Variants in DACT3 observed in about 807,000 individuals in gnomAD.
DACT3 encodes dishevelled binding antagonist of beta catenin 3, also known as dapper homolog 3.
A neutral mutation model predicts 19.6 loss-of-function variants in DACT3; 5 were observed. The ratio of observed to expected loss-of-function variants is 0.26; its 90% CI spans 0.13 to 0.54. The LOEUF (loss-of-function observed/expected upper bound fraction) is 0.54. Among genes scored for constraint, DACT3 ranks in the 20% least tolerant of loss-of-function variants. The pLI is 0.95. For synonymous variants in DACT3, 454 were observed against 428.1 expected (o/e 1.06, Z -0.75); for missense variants, 908 against 927.4 (o/e 0.98, Z 0.27).
intron 3 of DACT3, 181 bp from the exon 4 acceptor site, chr19:46,650,053 G>C (rs955078122): frequency 3.1e-6 from 2 of 653,400 alleles, no homozygotes; most frequent in African/African-American, 1.9e-5. Flanking sequence ...ATCTTTACAG[G>C]GTCCTACAAG....
intron 3 of DACT3, chr19:46,650,895 TAC>T (rs1243696777): frequency 6.6e-6 from 1 of 152,046 alleles, no homozygotes; most frequent in Non-Finnish European, 1.5e-5. Flanking sequence ...ACTCAAATGT[TAC>T]AGTCTCAGTG....
In DACT3 at chr19:46,649,798, G is replaced by T; in HGVS notation, c.574C>A (p.Pro192Thr). ...GGGCCGGCGGACCCCCCTGCCGTCG[G>T]GTAGGGCGCTGAGAAGGACCGCGGC... ...AVPRSFSAPY[P>T]TAGGSAGPEA... The change falls in exon 4 of 4, where the codon CCG (proline) becomes ACG (threonine). Residue 192 changes from proline to threonine, a missense_variant. By Grantham distance (38) the Pro-to-Thr change is conservative. Transcript: ENST00000391916. The T allele has an allele frequency of 7.2e-7, 1 of 1,380,424 alleles. No homozygotes were observed. Among genetic ancestry groups the T allele is most frequent in the Non-Finnish European group, 9.3e-7 (1 of 1,071,388 alleles). The allele number at this position is 1,380,424 out of a possible 1,614,324, so 85.5% of individuals were successfully genotyped here.
Position 46,655,851 on chromosome 19 carries a change from C to T in DACT3, c.250-2776G>A, listed in dbSNP as rs145704342. On this transcript the variant is annotated intron_variant, in intron 1 of 3. Transcript: ENST00000391916. The stretch of plus-strand genomic sequence containing the variant: ...TCTGGAAGTGCCAAGGCGGGAGGAT[C>T]GCTGGAGGCCGAGAGTTCAAGACCA... 3.7e-4 allele frequency among the ~76,000 whole-genome samples: 56 copies of T among 150,980 alleles called. No individual in the cohort carries two copies. In the East Asian group the frequency reaches 9.0e-3, roughly 24 times the overall value.
rs1375563251 is a variant in DACT3, at chr19:46,648,418, G to A, written c.*64C>T. ...GTCTTTGGAAGGTAGATGTGGAAGG[G>A]TCAGTGGTTGGGAGTGTGGAGGTGC... On this transcript the variant is annotated 3_prime_UTR_variant, in exon 4 of 4. Coordinates refer to ENST00000391916, the MANE Select transcript of DACT3 (RefSeq NM_145056.3). This position sits in a 1 kb window ranked among gnomAD's most constrained non-coding sequence, Gnocchi z 5.1. 4 of 1,609,654 alleles carry A rather than the reference G, an allele frequency of 2.5e-6. No homozygotes were observed. Among genetic ancestry groups the A allele is most frequent in the Non-Finnish European group, 3.4e-6 (4 of 1,177,400 alleles).
At position 46,649,719 on chromosome 19, in the gene DACT3, G is replaced by T; in HGVS notation, c.653C>A (p.Pro218His). 1 of 1,235,784 alleles carries T rather than the reference G, an allele frequency of 8.1e-7. No homozygotes were observed. Among genetic ancestry groups the T allele is most frequent in the East Asian group, 3.4e-5 (1 of 29,634 alleles). 76.6% of individuals were successfully genotyped at this position (1,235,784 alleles called of 1,614,324 possible). The change falls in exon 4 of 4, where the codon CCC (proline) becomes CAC (histidine). Residue 218 changes from proline (P) to histidine (H), a missense_variant. Physicochemically the swap from Pro to His is moderately conservative, Grantham distance 77 (BLOSUM62 -2). Transcript: ENST00000391916. ...RRARAGPFLT[P>H]SPLHAVAMRS... ...CATCGCCACGGCGTGCAGGGGGCTG[G>T]GCGTCAGAAAGGGCCCGGCGCGGGC...
chr19:46,661,179 A>C lies in DACT3; in HGVS notation c.-115T>G. On this transcript the variant is annotated 5_prime_UTR_variant, in exon 1 of 4. It removes an upstream start codon present in the reference 5' UTR. Coordinates refer to ENST00000391916, the MANE Select transcript of DACT3 (RefSeq NM_145056.3). The stretch of plus-strand genomic sequence containing the variant: ...CCGCTGGCCGGGCTGTCACCGTCTC[A>C]TCTGCATAGGCGCCCGCCCATTGGG... 8.6e-7 allele frequency: 1 copy of C among 1,162,674 alleles called. No homozygotes were observed. The highest frequency in any genetic ancestry group is 1.1e-6 in the Non-Finnish European group (1 of 898,058). The allele number at this position is 1,162,674 out of a possible 1,614,324, so 72.0% of individuals were successfully genotyped here.
intron 1 of DACT3, chr19:46,654,699 C>T (rs2053019198): frequency 1.0e-6 from 1 of 985,246 alleles, no homozygotes. Flanking sequence ...GGTTGACCCT[C>T]AGACAAAAGC....
chr19:46,661,158 T>C lies in DACT3; in HGVS notation c.-94A>G, dbSNP rs1000938898. 32 of 1,248,914 alleles carry C rather than the reference T, an allele frequency of 2.6e-5. No homozygotes were observed. The highest frequency in any genetic ancestry group is 3.1e-5 in the Non-Finnish European group (30 of 978,172). 77.4% of individuals were successfully genotyped at this position (1,248,914 alleles called of 1,614,324 possible). On this transcript the variant is annotated 5_prime_UTR_variant, in exon 1 of 4. Transcript: ENST00000391916. Reference sequence around the variant, plus strand: ...CCCAGCAGCCTGCCCGCCCGCCCGCTGGCCGGGCTGTCACCGTCTCATCTG... The same window carrying C: ...CCCAGCAGCCTGCCCGCCCGCCCGCCGGCCGGGCTGTCACCGTCTCATCTG...
At chr19:46,652,561 CT>C in intron 3 of DACT3, 98 bp downstream of exon 3, 1 of 1,280,324 alleles carries the variant, frequency 7.8e-7, no homozygotes, top group East Asian at 2.5e-5. Context: ...AATGTCACAG[CT>C]GGAATTGGAA....
chr19:46,660,665 G>A lies in DACT3; in HGVS notation c.249+151C>T. On this transcript the variant is annotated intron_variant, in intron 1 of 3. Coordinates refer to ENST00000391916, the MANE Select transcript of DACT3 (RefSeq NM_145056.3). This position sits in a 1 kb window ranked among gnomAD's most constrained non-coding sequence, Gnocchi z 4.9. ...GCGGGGAGGCCAGGTCCGGCCCGCC[G>A]CCGGAACTCCGGGGTCGCCAGCCCC... The A allele has an allele frequency of 1.5e-6, 2 of 1,361,492 alleles. No individual in the cohort carries two copies. Among genetic ancestry groups the A allele is most frequent in the Non-Finnish European group, 1.9e-6 (2 of 1,057,368 alleles). 84.3% of individuals were successfully genotyped at this position (1,361,492 alleles called of 1,614,324 possible). A position where few individuals can be genotyped will look rare whatever the true frequency, so the allele number is the denominator to read the frequency against.
chr19:46,656,057 AT>A (rs35910984), intron 1 of DACT3, among the ~76,000 whole-genome samples: 46,010 of 148,670 alleles, frequency 0.31, 7,585 homozygotes, highest in East Asian at 0.46. Context: ...TTATTTATTT[AT>A]TTATTTATTT....
intron 3 of DACT3, 153 bp downstream of exon 3, chr19:46,652,507 G>A: frequency 1.2e-6 from 1 of 861,980 alleles, no homozygotes; most frequent in Non-Finnish European, 1.7e-6. Context: ...TGGAAAAACA[G>A]AGACCCAGAA....
At position 46,649,434 on chromosome 19, in the gene DACT3, T is replaced by C; in HGVS notation, c.938A>G (p.His313Arg). 2 of 1,255,526 alleles carry C rather than the reference T, an allele frequency of 1.6e-6. No individual in the cohort carries two copies. The highest frequency in any genetic ancestry group is 2.0e-6 in the Non-Finnish European group (2 of 991,116). 77.8% of individuals were successfully genotyped at this position (1,255,526 alleles called of 1,614,324 possible). ...REPSLERVGG[H>R]PTSPAALSRA... ...GCTCAAGGCGGCAGGGCTGGTGGGG[T>C]GGCCCCCGACGCGCTCCAACGAGGG... Residue 313 changes from histidine to arginine, a missense_variant, in exon 4 of 4, where the codon CAC becomes CGC. Physicochemically the swap from His to Arg is conservative, Grantham distance 29 (BLOSUM62 0). This residue lies in a region of DACT3 where 656 missense variants were observed against 601.8 expected (regional missense o/e 1.09). Transcript: ENST00000391916.
In DACT3 at chr19:46,648,925, C is replaced by T; in HGVS notation, c.1447G>A (p.Asp483Asn). 5.1e-6 allele frequency: 7 copies of T among 1,359,252 alleles called. No homozygotes were observed. The highest frequency in any genetic ancestry group is 1.7e-5 in the South Asian group (1 of 57,458). 84.2% of individuals were successfully genotyped at this position (1,359,252 alleles called of 1,614,324 possible). A position where few individuals can be genotyped will look rare whatever the true frequency, so the allele number is the denominator to read the frequency against. Residue 483 changes from aspartate (D) to asparagine (N), a missense_variant, in exon 4 of 4, where the codon GAC becomes AAC. Coordinates refer to ENST00000391916, the MANE Select transcript of DACT3 (RefSeq NM_145056.3). This position sits in a 1 kb window ranked among gnomAD's most constrained non-coding sequence, Gnocchi z 5.1. ...CRRWRSTAEI[D>N]AADGRRVRPR... ...CGCACGCGGCGCCCATCGGCAGCGTCGATCTCCGCAGTGGAGCGCCAGCGA... is the reference window on the plus strand; with the variant it reads ...CGCACGCGGCGCCCATCGGCAGCGTTGATCTCCGCAGTGGAGCGCCAGCGA...
At chr19:46,656,381 C>T (rs1224686867) in intron 1 of DACT3, among the ~76,000 whole-genome samples, 2 of 151,978 alleles carry the variant, frequency 1.3e-5, no homozygotes, top group Non-Finnish European at 2.9e-5. Context: ...CAAGGTCTCA[C>T]TGTCTCACCA....
intron 1 of DACT3, among the ~76,000 whole-genome samples, chr19:46,655,425 CAACATGGTGA>C (rs777915597): frequency 9.9e-4 from 150 of 152,156 alleles, no homozygotes; most frequent in Non-Finnish European, 1.7e-3. Context: ...TCAGCCTGGC[CAACATGGTGA>C]AACCCCGTCT....
At chr19:46,654,627 C>T (rs2053018688) in intron 1 of DACT3, 2 of 985,276 alleles carry the variant, frequency 2.0e-6, no homozygotes, top group Non-Finnish European at 2.4e-6. Flanking sequence ...AGGGTCAGAG[C>T]CAGAAAAAGT....
Position 46,660,272 on chromosome 19 carries a change from C to G in DACT3, c.249+544G>C. 6.5e-6 allele frequency: 1 copy of G among 152,790 alleles called. No homozygotes were observed. Among genetic ancestry groups the G allele is most frequent in the South Asian group, 2.0e-4 (1 of 5,060 alleles). 9.5% of individuals were successfully genotyped at this position (152,790 alleles called of 1,614,324 possible). Reference sequence around the variant, plus strand: ...TTCCTCTCAGCAGTGGTCCCTCCCTCTGGAGGCCCTGAGATTCCCCTCCTC... The same window carrying G: ...TTCCTCTCAGCAGTGGTCCCTCCCTGTGGAGGCCCTGAGATTCCCCTCCTC... On this transcript the variant is annotated intron_variant, in intron 1 of 3. Transcript: ENST00000391916. The surrounding 1 kb of genome is among the most constrained non-coding windows in gnomAD (Gnocchi z 4.9).
chr19:46,655,112 C>A (rs996305115), intron 1 of DACT3: 2 of 972,438 alleles, frequency 2.1e-6, no homozygotes, highest in Non-Finnish European at 2.4e-6. Context: ...CCTCTAGCCA[C>A]GCCTGGCCTT....
Sources: allele counts gnomAD v4.1 joint callset (sites outside exome capture counted in the v4.1 genomes callset), GRCh38; gene constraint gnomAD v4.1.1; regional missense constraint gnomAD v4.1.1; non-coding constraint Gnocchi (gnomAD v3.1); transcripts MANE v1.5; gene names NCBI Gene and HGNC (gene_info 2026-07-23, HGNC 2026-07-21).